Variants in ADCY8 observed in about 807,000 individuals in gnomAD.
The protein encoded by ADCY8 is adenylate cyclase type 8.
In ADCY8, 51 loss-of-function variants were observed where a neutral mutation model predicts 119.7. That is an observed-to-expected ratio of 0.43 (90% CI 0.34 to 0.54). The LOEUF is 0.54. Ranked by LOEUF, ADCY8 falls within the 20% of genes least tolerant of loss-of-function variation. The probability of loss-of-function intolerance (pLI) is 0.03; values close to 1 mark genes in which losing one functional copy is unlikely to be tolerated. For synonymous variants in ADCY8, 665 were observed against 651.0 expected (o/e 1.02, Z -0.33); for missense variants, 1,383 against 1,598.8 (o/e 0.87, Z 2.30).
chr8:130,860,500 G>A (rs58410034), intron 9 of ADCY8, among the ~76,000 whole-genome samples: 1,969 of 152,142 alleles, frequency 0.013, 39 homozygotes, highest in African/African-American at 0.045. Context: ...AATTTTATTT[G>A]TGTTTTCTTC....
chr8:131,029,704 T>C (rs1823936973), intron 1 of ADCY8, among the ~76,000 whole-genome samples: 1 of 152,234 alleles, frequency 6.6e-6, no homozygotes, highest in South Asian at 2.1e-4. Flanking sequence ...TATATGAATA[T>C]GTATAGCAAA....
At chr8:130,988,692 T>C (rs1337114223) in intron 2 of ADCY8, among the ~76,000 whole-genome samples, 1 of 152,170 alleles carries the variant, frequency 6.6e-6, no homozygotes, top group Admixed American at 6.6e-5. Flanking sequence ...TTCTTCCTCC[T>C]TCTGCAAACT....
At chr8:131,012,173 A>C (rs138397392) in intron 1 of ADCY8, among the ~76,000 whole-genome samples, 40 of 152,246 alleles carry the variant, frequency 2.6e-4, no homozygotes, top group African/African-American at 7.0e-4. Context: ...CTTTCACCTG[A>C]GCATGTTGGG....
At chr8:130,872,620 T>A (rs984648162) in intron 8 of ADCY8, among the ~76,000 whole-genome samples, 2 of 152,174 alleles carry the variant, frequency 1.3e-5, no homozygotes, top group African/African-American at 2.4e-5. Flanking sequence ...AGCCTAAAAA[T>A]TAGTTTAATA....
At chr8:130,899,512 G>A (rs34950289) in intron 7 of ADCY8, among the ~76,000 whole-genome samples, 48,204 of 151,834 alleles carry the variant, frequency 0.32, 8,900 homozygotes, top group East Asian at 0.57. Flanking sequence ...AGGCTGAGTT[G>A]GAAGAATCGC....
intron 5 of ADCY8, among the ~76,000 whole-genome samples, chr8:130,929,817 G>A (rs945278567): frequency 1.3e-5 from 2 of 152,108 alleles, no homozygotes; most frequent in Non-Finnish European, 2.9e-5. Flanking sequence ...TAGGTACTTT[G>A]ATGTTGGGTG....
In ADCY8 at chr8:131,039,636, C is replaced by T; in HGVS notation, c.698G>A (p.Arg233Lys). 6.2e-7 allele frequency: 1 copy of T among 1,614,128 alleles called. No individual in the cohort carries two copies. The highest frequency in any genetic ancestry group is 8.5e-7 in the Non-Finnish European group (1 of 1,180,028). ...GTACGTGTGGGAGGTGGTGTCCTTC[C>T]TGACCACCACCAGGGCGCAGATCAC... is the stretch of plus-strand genomic sequence containing the variant. The part of the protein sequence containing the change: ...EVVICALVVV[R>K]KDTTSHTYLQ... The change falls in exon 1 of 18, where the codon AGG becomes AAG. Residue 233 changes from arginine (R) to lysine (K), a missense_variant. This residue lies in a region of ADCY8 where 455 missense variants were observed against 435.3 expected (regional missense o/e 1.05). Transcript: ENST00000286355.
At chr8:130,950,696 T>A (rs7828958) in intron 3 of ADCY8, among the ~76,000 whole-genome samples, 119,935 of 152,108 alleles carry the variant, frequency 0.79, 50,485 homozygotes, top group East Asian at 0.95. Context: ...AACCTTTCAA[T>A]ACGTTTATTA....
chr8:130,785,406 A>G lies in ADCY8; in HGVS notation c.3130T>C (p.Ser1044Pro), dbSNP rs1230769795. The part of the protein sequence containing the change: ...KTIGSTYMAV[S>P]GLSPEKQQCE... ...ACCTGTTTTTCAGGTGACAGGCCTG[A>G]CACGGCCATGTAGGTGCTGCCAATG... is the stretch of plus-strand genomic sequence containing the variant. Residue 1044 changes from serine to proline, a missense_variant, in exon 16 of 18, where the codon TCA becomes CCA. This residue lies in a region of ADCY8 where 928 missense variants were observed against 1,163.5 expected (regional missense o/e 0.80). Transcript: ENST00000286355. The G allele has an allele frequency of 6.2e-7, 1 of 1,608,546 alleles. No individual in the cohort carries two copies. The highest frequency in any genetic ancestry group is 1.7e-5 in the Admixed American group (1 of 59,378).
At chr8:131,021,333 A>G (rs1264948782) in intron 1 of ADCY8, among the ~76,000 whole-genome samples, 2 of 152,160 alleles carry the variant, frequency 1.3e-5, no homozygotes, top group Non-Finnish European at 2.9e-5. Context: ...TCATAGTCCA[A>G]GATGGCTGTT....
intron 15 of ADCY8, among the ~76,000 whole-genome samples, chr8:130,797,424 T>C (rs77765602): frequency 0.011 from 1,622 of 152,312 alleles, 28 homozygotes; most frequent in African/African-American, 0.037. Flanking sequence ...ATTAAAAAAA[T>C]TGGAAGTATG....
intron 5 of ADCY8, among the ~76,000 whole-genome samples, chr8:130,921,506 T>G (rs1310783144): frequency 1.3e-5 from 2 of 150,104 alleles, no homozygotes; most frequent in African/African-American, 4.9e-5. Flanking sequence ...GCTAGGGTAG[T>G]GCAATGGCAT....
intron 2 of ADCY8, among the ~76,000 whole-genome samples, chr8:130,965,080 T>G (rs904788112): frequency 6.6e-6 from 1 of 152,246 alleles, no homozygotes; most frequent in African/African-American, 2.4e-5. Context: ...TAGATCTTTG[T>G]CAGATGCATA....
intron 5 of ADCY8, among the ~76,000 whole-genome samples, chr8:130,916,627 G>A (rs1213251511): frequency 6.6e-6 from 1 of 152,172 alleles, no homozygotes; most frequent in African/African-American, 2.4e-5. Flanking sequence ...GTGGGTTTAC[G>A]GGAATGAGGG....
intron 7 of ADCY8, among the ~76,000 whole-genome samples, chr8:130,898,694 C>T (rs561202303): frequency 6.6e-6 from 1 of 152,304 alleles, no homozygotes; most frequent in East Asian, 1.9e-4. Flanking sequence ...AGGGGCCTTG[C>T]TTCTCAAAGA....
At chr8:131,005,294 C>T (rs186370997) in intron 1 of ADCY8, among the ~76,000 whole-genome samples, 4 of 152,312 alleles carry the variant, frequency 2.6e-5, no homozygotes, top group East Asian at 1.9e-4. Context: ...GCCTGATACA[C>T]AGTAAATATC....
intron 9 of ADCY8, among the ~76,000 whole-genome samples, chr8:130,865,975 C>T (rs771640259): frequency 1.3e-5 from 2 of 152,136 alleles, no homozygotes; most frequent in Non-Finnish European, 2.9e-5. Context: ...CTTCTCAGTG[C>T]ATATCTGTTG....
intron 14 of ADCY8, among the ~76,000 whole-genome samples, chr8:130,801,113 T>C (rs778351335): frequency 2.0e-5 from 3 of 152,206 alleles, no homozygotes; most frequent in Non-Finnish European, 4.4e-5. Context: ...ATCATCACCA[T>C]ATGGAATGTG....
At chr8:130,979,011 G>T (rs1199217974) in intron 2 of ADCY8, among the ~76,000 whole-genome samples, 1 of 152,102 alleles carries the variant, frequency 6.6e-6, no homozygotes, top group Non-Finnish European at 1.5e-5. Context: ...ATAGAACTTA[G>T]GTCTAATGCT....
Sources: gnomAD v4.1 joint callset for allele counts (sites outside exome capture counted in the v4.1 genomes callset) on GRCh38, gnomAD v4.1.1 for gene constraint, gnomAD v4.1.1 regional missense constraint, MANE v1.5 for transcripts, NCBI Gene and HGNC (gene_info 2026-07-23, HGNC 2026-07-21) for gene names.